FRMD4B: variants seen among roughly 807,000 people sequenced by gnomAD.
FRMD4B encodes FERM domain-containing protein 4B.
FRMD4B carries 74 observed loss-of-function variants against 141.5 expected under a neutral mutation model. That is an observed-to-expected ratio of 0.52 (90% CI 0.43 to 0.63). The LOEUF is 0.63. Ranked by LOEUF, FRMD4B falls within the 30% of genes least tolerant of loss-of-function variation. FRMD4B has a pLI of 0.00. For synonymous variants in FRMD4B, 506 were observed against 467.9 expected (o/e 1.08, Z -1.05); for missense variants, 1,366 against 1,253.4 (o/e 1.09, Z -1.36).
intron 11 of FRMD4B, among the ~76,000 whole-genome samples, chr3:69,214,272 T>G (rs1017508562): frequency 2.6e-5 from 4 of 152,192 alleles, no homozygotes; most frequent in African/African-American, 9.7e-5. Context: ...CTAACACACA[T>G]GAAAGCAAGA....
At chr3:69,207,368 T>C (rs1267473532) in intron 11 of FRMD4B, among the ~76,000 whole-genome samples, 1 of 151,538 alleles carries the variant, frequency 6.6e-6, no homozygotes, top group African/African-American at 2.4e-5. Context: ...TGCCTCTTCA[T>C]AGAACTATTT....
intron 1 of FRMD4B, among the ~76,000 whole-genome samples, chr3:69,379,411 T>A (rs1001158761): frequency 1.3e-5 from 2 of 152,144 alleles, no homozygotes; most frequent in African/African-American, 4.8e-5. Flanking sequence ...CCTAAGTAGC[T>A]GGGGCTACAG....
At chr3:69,453,068 G>A (rs979728122) in intron 1 of FRMD4B, among the ~76,000 whole-genome samples, 1 of 152,206 alleles carries the variant, frequency 6.6e-6, no homozygotes, top group Non-Finnish European at 1.5e-5. Flanking sequence ...GCCATGTGTG[G>A]CTAATGGCTT....
At chr3:69,506,750 C>T (rs1296921704) in intron 1 of FRMD4B, among the ~76,000 whole-genome samples, 1 of 151,948 alleles carries the variant, frequency 6.6e-6, no homozygotes, top group East Asian at 1.9e-4. Context: ...CACTATGTTG[C>T]CCAGGCTGAT....
At chr3:69,378,258 A>C (rs1704025619) in intron 1 of FRMD4B, among the ~76,000 whole-genome samples, 3 of 152,170 alleles carry the variant, frequency 2.0e-5, no homozygotes, top group Admixed American at 2.0e-4. Context: ...GGCAAGGCAG[A>C]ATTGGTTTGC....
intron 1 of FRMD4B, among the ~76,000 whole-genome samples, chr3:69,384,525 CAAA>C (rs1704202633): frequency 6.6e-6 from 1 of 152,170 alleles, no homozygotes. Context: ...CTTCTGGCTC[CAAA>C]AAGCCAGAGA....
At chr3:69,265,212 G>A (rs1426975209) in intron 5 of FRMD4B, among the ~76,000 whole-genome samples, 13 of 124,224 alleles carry the variant, frequency 1.0e-4, no homozygotes, top group South Asian at 2.9e-4. Flanking sequence ...CCGAGATTGC[G>A]CCACTGCACT....
Position 69,181,236 on chromosome 3 carries a change from G to A in FRMD4B, c.2514C>T (p.Ser838=), listed in dbSNP as rs2092704162. The change falls in exon 21 of 23, where the codon TCC becomes TCT. Residue 838 remains serine, a synonymous_variant. Coordinates refer to ENST00000398540, the MANE Select transcript of FRMD4B (RefSeq NM_015123.3). ...ATCCATAGTGGGCTGAGGACCGGTA[G>A]GAAGGGTTGACACTATACTGTCCCT... ...DTEGQYSVNP[S]YRSSAHYGYE... is the part of the protein sequence containing the mutation. 6.2e-7 allele frequency: 1 copy of A among 1,613,880 alleles called. No homozygotes were observed. Among genetic ancestry groups the A allele is most frequent in the East Asian group, 2.2e-5 (1 of 44,880 alleles).
At chr3:69,437,734 TATACA>T (rs546658325) in intron 1 of FRMD4B, among the ~76,000 whole-genome samples, 1 of 130,308 alleles carries the variant, frequency 7.7e-6, no homozygotes, top group Non-Finnish European at 1.5e-5. Context: ...ATACATATTA[TATACA>T]ATACTATATA....
At chr3:69,444,368 G>C (rs1401541694) in intron 1 of FRMD4B, among the ~76,000 whole-genome samples, 1 of 152,196 alleles carries the variant, frequency 6.6e-6, no homozygotes, top group East Asian at 1.9e-4. Flanking sequence ...AATCAAAATT[G>C]AACTGAATTG....
intron 5 of FRMD4B, among the ~76,000 whole-genome samples, chr3:69,278,483 G>A (rs9854746): frequency 0.74 from 112,191 of 151,764 alleles, 41,819 homozygotes; most frequent in East Asian, 0.96. Context: ...TTTTCTGTAG[G>A]CACAGGGTCT....
At position 69,340,913 on chromosome 3, in the gene FRMD4B, G is replaced by A. The variant is rs558264224; in HGVS notation, c.163-27396C>T. On this transcript the variant is annotated intron_variant, in intron 1 of 22. Coordinates refer to ENST00000398540, the MANE Select transcript of FRMD4B (RefSeq NM_015123.3). Reference sequence around the variant, plus strand: ...GCATGCACTTTGCAAAAGAGGCTACGCAATAAAAAAATAATTAAAATGGAG... The same window carrying A: ...GCATGCACTTTGCAAAAGAGGCTACACAATAAAAAAATAATTAAAATGGAG... Among the ~76,000 whole-genome samples the A allele has an allele frequency of 7.2e-5, 11 of 151,840 alleles. 1 individual carries two copies. The highest frequency in any genetic ancestry group is 6.8e-3 in the Middle Eastern group (2 of 294).
chr3:69,220,696 A>G (rs1307350170), intron 9 of FRMD4B, among the ~76,000 whole-genome samples: 1 of 152,162 alleles, frequency 6.6e-6, no homozygotes, highest in East Asian at 1.9e-4. Context: ...TACTAAAACT[A>G]CATAAATTAG....
chr3:69,185,119 T>C (rs774322019), intron 19 of FRMD4B, among the ~76,000 whole-genome samples: 2 of 151,902 alleles, frequency 1.3e-5, no homozygotes, highest in Non-Finnish European at 2.9e-5. Context: ...CTGGCTAATA[T>C]GAAACACCGT....
At chr3:69,445,109 T>C (rs879877320) in intron 1 of FRMD4B, among the ~76,000 whole-genome samples, 12 of 152,186 alleles carry the variant, frequency 7.9e-5, no homozygotes, top group African/African-American at 2.9e-4. Flanking sequence ...TGCATACAAG[T>C]GACATACCCG....
chr3:69,267,622 TATATATATATATATAGAGAGAGAGAGAG>T (rs1559765350), intron 5 of FRMD4B, among the ~76,000 whole-genome samples: 143 of 24,230 alleles, frequency 5.9e-3, no homozygotes, highest in South Asian at 0.022. Flanking sequence ...TATATATATA[TATATATATATATATAGAGAGAGAGAGAG>T]AGAGAGAGAG....
intron 19 of FRMD4B, 31 bp downstream of exon 19, chr3:69,187,739 C>T: frequency 6.3e-7 from 1 of 1,587,302 alleles, no homozygotes; most frequent in Non-Finnish European, 8.6e-7. Flanking sequence ...AGCTGTGGGG[C>T]ATTAACCTTA....
chr3:69,477,996 G>T (rs1005513643), intron 1 of FRMD4B, among the ~76,000 whole-genome samples: 6 of 152,080 alleles, frequency 3.9e-5, no homozygotes, highest in African/African-American at 1.4e-4. Flanking sequence ...TTGCGTAGAG[G>T]TGTTTGTAGT....
intron 11 of FRMD4B, among the ~76,000 whole-genome samples, chr3:69,201,321 T>C (rs901439115): frequency 1.3e-4 from 20 of 152,202 alleles, no homozygotes; most frequent in African/African-American, 4.6e-4. Flanking sequence ...ATTAGTAATG[T>C]TTTCTTTTAT....
Sources: gnomAD v4.1 joint callset for allele counts (sites outside exome capture counted in the v4.1 genomes callset) on GRCh38, gnomAD v4.1.1 for gene constraint, MANE v1.5 for transcripts, NCBI Gene and HGNC (gene_info 2026-07-23, HGNC 2026-07-21) for gene names.